The following MAP2K4 variants were observed in gnomAD, a reference collection of about 807,000 sequenced individuals.
MAP2K4 encodes dual specificity mitogen-activated protein kinase kinase 4.
Under a neutral mutation model 48.5 loss-of-function variants are expected in MAP2K4, and 4 were observed. The observed-to-expected ratio is 0.08, with a 90% CI of 0.04 to 0.19. MAP2K4 has a LOEUF of 0.19. Among genes scored for constraint, MAP2K4 ranks in the 10% least tolerant of loss-of-function variants. The probability of loss-of-function intolerance (pLI) is 1.00; values close to 1 mark genes in which losing one functional copy is unlikely to be tolerated. For missense variants in MAP2K4, 258 were observed against 493.3 expected, an observed-to-expected ratio of 0.52 and a Z score of 4.52; for synonymous variants, 166 against 173.1, an observed-to-expected ratio of 0.96 and a Z score of 0.32.
intron 9 of MAP2K4, among the ~76,000 whole-genome samples, chr17:12,130,402 T>A (rs533638158): frequency 6.6e-6 from 1 of 152,312 alleles, no homozygotes; most frequent in East Asian, 1.9e-4. Flanking sequence ...GTATGGATAG[T>A]TTATATAATT....
At chr17:12,026,724 G>A (rs897769739) in intron 1 of MAP2K4, among the ~76,000 whole-genome samples, 1 of 152,236 alleles carries the variant, frequency 6.6e-6, no homozygotes, top group African/African-American at 2.4e-5. Context: ...CAGAAGTGAT[G>A]CAGATTCAGG....
chr17:12,130,914 A>G (rs375324948), intron 9 of MAP2K4, among the ~76,000 whole-genome samples: 15 of 152,170 alleles, frequency 9.9e-5, no homozygotes, highest in Admixed American at 3.9e-4. Context: ...TTTATGATGT[A>G]TATCTGATCA....
chr17:12,139,322 T>A (rs1239761232), intron 9 of MAP2K4, among the ~76,000 whole-genome samples: 1 of 152,188 alleles, frequency 6.6e-6, no homozygotes, highest in Non-Finnish European at 1.5e-5. Flanking sequence ...TTATATTGTT[T>A]TAAACTTTTG....
At chr17:12,128,291 A>G (rs1972917326) in intron 8 of MAP2K4, among the ~76,000 whole-genome samples, 1 of 152,168 alleles carries the variant, frequency 6.6e-6, no homozygotes, top group South Asian at 2.1e-4. Flanking sequence ...GTTAGACAGG[A>G]TGGTGTCCAT....
chr17:12,139,908 G>T (rs778058663), intron 10 of MAP2K4, 24 bp downstream of exon 10: 1 of 1,561,994 alleles, frequency 6.4e-7, no homozygotes, highest in Non-Finnish European at 8.7e-7. Flanking sequence ...TGTGGGGATT[G>T]TAGGTACATC....
At chr17:12,117,060 G>A (rs1464254739) in intron 7 of MAP2K4, among the ~76,000 whole-genome samples, 1 of 152,130 alleles carries the variant, frequency 6.6e-6, no homozygotes, top group African/African-American at 2.4e-5. Flanking sequence ...TCACCAAAAT[G>A]TTGTTTTGCA....
At chr17:12,102,738 G>A (rs977844662) in intron 4 of MAP2K4, among the ~76,000 whole-genome samples, 63 of 152,044 alleles carry the variant, frequency 4.1e-4, no homozygotes, top group African/African-American at 1.3e-3. Context: ...ATTTCTTGTC[G>A]AGTGATCTTT....
chr17:12,106,694 A>C (rs1215313242), intron 4 of MAP2K4, among the ~76,000 whole-genome samples: 1 of 152,132 alleles, frequency 6.6e-6, no homozygotes, highest in African/African-American at 2.4e-5. Flanking sequence ...GAACTGTATA[A>C]TTTTTTAAAA....
chr17:12,076,323 G>A (rs1971005847), intron 2 of MAP2K4, among the ~76,000 whole-genome samples: 1 of 147,452 alleles, frequency 6.8e-6, no homozygotes, highest in African/African-American at 2.6e-5. Context: ...GTGTGTGTGT[G>A]TGTTTAGTCT....
chr17:12,110,267 T>C, intron 5 of MAP2K4, 108 bp from the exon 6 acceptor site: 1 of 739,604 alleles, frequency 1.4e-6, no homozygotes, highest in Non-Finnish European at 2.3e-6. Context: ...AATATTAAGC[T>C]TAAAATGTAT....
chr17:12,138,271 A>G (rs1206139443), intron 9 of MAP2K4, among the ~76,000 whole-genome samples: 1 of 151,034 alleles, frequency 6.6e-6, no homozygotes, highest in East Asian at 2.0e-4. Context: ...AAAAATCCGC[A>G]TATAACTTTT....
chr17:12,065,556 T>TC (rs1387587337), intron 2 of MAP2K4, among the ~76,000 whole-genome samples: 2 of 152,034 alleles, frequency 1.3e-5, no homozygotes, highest in African/African-American at 4.8e-5. Context: ...CGCCTCAGCC[T>TC]CCCACAGTGC....
intron 7 of MAP2K4, among the ~76,000 whole-genome samples, chr17:12,118,351 T>G (rs1383083885): frequency 6.6e-6 from 1 of 152,148 alleles, no homozygotes; most frequent in Non-Finnish European, 1.5e-5. Flanking sequence ...TAGGCCCGTA[T>G]AGGTATAAAT....
chr17:12,119,557 C>T (rs1196061388), intron 7 of MAP2K4, among the ~76,000 whole-genome samples: 1 of 152,156 alleles, frequency 6.6e-6, no homozygotes, highest in Admixed American at 6.5e-5. Flanking sequence ...ATTAATTCAA[C>T]CATTGTGGAA....
chr17:12,074,086 T>A (rs1240794155), intron 2 of MAP2K4, among the ~76,000 whole-genome samples: 1 of 152,202 alleles, frequency 6.6e-6, no homozygotes, highest in Non-Finnish European at 1.5e-5. Context: ...GTTGTAGTTT[T>A]TGTGTTTAGA....
intron 7 of MAP2K4, among the ~76,000 whole-genome samples, chr17:12,121,721 G>A (rs1597489658): frequency 6.6e-6 from 1 of 152,090 alleles, no homozygotes; most frequent in African/African-American, 2.4e-5. Flanking sequence ...TATAATATCT[G>A]ATTGTTCCCT....
chr17:12,065,303 GT>G lies in MAP2K4; in HGVS notation c.218+10325del, dbSNP rs35418495. ...ATTATTATTATTATTGGTGTTTGTT[GT>G]TTTTTTTTTTTTGAGACAGAGTCTT... is the stretch of plus-strand genomic sequence containing the variant. On this transcript the variant is annotated intron_variant, in intron 2 of 10. Transcript: ENST00000353533. 2.7e-4 allele frequency among the ~76,000 whole-genome samples: 33 copies of G among 120,910 alleles called. 1 individual carries two copies. In the South Asian group the frequency reaches 4.6e-3, roughly 17 times the overall value. The allele number at this position is 120,910 out of a possible 152,430, so 79.3% of individuals were successfully genotyped here. A position where few individuals can be genotyped will look rare whatever the true frequency, so the allele number is the denominator to read the frequency against.
chr17:12,104,313 T>C (rs886979649), intron 4 of MAP2K4, among the ~76,000 whole-genome samples: 1 of 152,146 alleles, frequency 6.6e-6, no homozygotes, highest in Non-Finnish European at 1.5e-5. Flanking sequence ...GATACCTCTT[T>C]GGCTGCCTTT....
intron 1 of MAP2K4, among the ~76,000 whole-genome samples, chr17:12,051,579 A>G (rs899326943): frequency 9.2e-5 from 14 of 152,196 alleles, no homozygotes; most frequent in African/African-American, 3.1e-4. Flanking sequence ...GGGTTATTAT[A>G]ATCACAAATT....
Sources: allele counts gnomAD v4.1 joint callset (sites outside exome capture counted in the v4.1 genomes callset), GRCh38; gene constraint gnomAD v4.1.1; transcripts MANE v1.5; gene names NCBI Gene and HGNC (gene_info 2026-07-23, HGNC 2026-07-21).